The following SPON2 variants were observed in gnomAD, a reference collection of about 807,000 sequenced individuals.
The protein encoded by SPON2 is spondin 2.
SPON2 carries 32 observed loss-of-function variants against 29.9 expected under a neutral mutation model. The ratio of observed to expected loss-of-function variants is 1.07; its 90% CI spans 0.81 to 1.44. The LOEUF (loss-of-function observed/expected upper bound fraction) is 1.44. SPON2 is among the 40% of genes most tolerant of loss of function. The pLI is 0.00. For missense variants in SPON2, 541 were observed against 455.5 expected, an observed-to-expected ratio of 1.19 and a Z score of -1.71; for synonymous variants, 248 against 209.1, an observed-to-expected ratio of 1.19 and a Z score of -1.61.
intron 5 of SPON2, 153 bp downstream of exon 5, chr4:1,170,249 C>A: frequency 5.4e-6 from 4 of 745,184 alleles, no homozygotes; most frequent in Non-Finnish European, 9.1e-6. Context: ...GTGTGTGAAT[C>A]AACAGAATCC....
chr4:1,179,976 CTG>C (rs1038443346), intron 1 of SPON2, among the ~76,000 whole-genome samples: 1 of 149,590 alleles, frequency 6.7e-6, no homozygotes, highest in Admixed American at 6.7e-5. Context: ...AATAGACAAA[CTG>C]AAAAAAAAAA....
rs2242279 is a variant in SPON2, at chr4:1,171,799, C to T, written c.220+53G>A. The T allele has an allele frequency of 1.1e-5, 14 of 1,302,654 alleles. 1 individual carries two copies. Among genetic ancestry groups the T allele is most frequent in the African/African-American group, 8.6e-5 (6 of 69,772 alleles). 80.7% of individuals were successfully genotyped at this position (1,302,654 alleles called of 1,614,324 possible). A position where few individuals can be genotyped will look rare whatever the true frequency, so the allele number is the denominator to read the frequency against. On this transcript the variant is annotated intron_variant, in intron 2 of 5. Coordinates refer to ENST00000290902, the MANE Select transcript of SPON2 (RefSeq NM_012445.4). ...CGCCGTGCAGCTGTGCGGGGGGCTC[C>T]GGCGCCGCAGCCCTCCTGGTGGAGC...
chr4:1,167,959 T>G, intron 5 of SPON2: 1 of 334,158 alleles, frequency 3.0e-6, no homozygotes, highest in South Asian at 8.4e-5. Context: ...GGGAACCCCG[T>G]GGGAACCCCG....
chr4:1,175,686 G>T (rs1014389347), upstream of SPON2, among the ~76,000 whole-genome samples: 4 of 151,878 alleles, frequency 2.6e-5, no homozygotes, highest in Non-Finnish European at 4.4e-5. Context: ...TAGGATGTGG[G>T]TGGTGGTAGG....
chr4:1,196,322 G>C (rs1303991108), upstream of SPON2, among the ~76,000 whole-genome samples: 1 of 152,220 alleles, frequency 6.6e-6, no homozygotes, highest in African/African-American at 2.4e-5. Flanking sequence ...CTGAGCCTCA[G>C]CCTCCTCTGT....
upstream of SPON2, chr4:1,199,001 A>G (rs995794974): frequency 1.2e-4 from 18 of 152,290 alleles, no homozygotes; most frequent in African/African-American, 3.4e-4. The surrounding 1 kb of genome is among the most constrained non-coding windows in gnomAD (Gnocchi z 4.5). Context: ...GGCAAACTTA[A>G]TAGAAAAACC....
intron 1 of SPON2, among the ~76,000 whole-genome samples, chr4:1,192,874 C>G (rs1223851389): frequency 6.6e-6 from 1 of 152,184 alleles, no homozygotes; most frequent in Non-Finnish European, 1.5e-5. Context: ...CAGGGGCCCT[C>G]AGAAGCAAGG....
intron 1 of SPON2, among the ~76,000 whole-genome samples, chr4:1,181,249 G>GA (rs994651818): frequency 1.2e-4 from 18 of 149,714 alleles, no homozygotes; most frequent in African/African-American, 3.9e-4. Context: ...AAACACATTG[G>GA]AAAAAAAAAT....
chr4:1,208,291 C>T (rs369429747), upstream of SPON2: 556 of 152,480 alleles, frequency 3.6e-3, 3 homozygotes, highest in African/African-American at 0.012. Flanking sequence ...GGATGGGGTG[C>T]AGGGCCAGCC....
chr4:1,186,653 C>T (rs1727813152), intron 1 of SPON2, among the ~76,000 whole-genome samples: 1 of 152,036 alleles, frequency 6.6e-6, no homozygotes, highest in African/African-American at 2.4e-5. Flanking sequence ...CACTAATATC[C>T]AGAATATATA....
chr4:1,204,770 GT>G (rs1728299852), intron 1 of SPON2, among the ~76,000 whole-genome samples: 1 of 152,192 alleles, frequency 6.6e-6, no homozygotes, highest in Non-Finnish European at 1.5e-5. Context: ...GACCGGGCTT[GT>G]TGCTGGTCTG....
intron 5 of SPON2, 138 bp from the exon 6 acceptor site, chr4:1,167,794 C>T (rs1727295509): frequency 3.3e-6 from 3 of 913,116 alleles, no homozygotes; most frequent in Non-Finnish European, 4.8e-6. Context: ...TTTCTCCGCA[C>T]AGTCGCAGAG....
At chr4:1,170,869 G>T in intron 4 of SPON2, 130 bp downstream of exon 4, 1 of 1,300,264 alleles carries the variant, frequency 7.7e-7, no homozygotes, top group Non-Finnish European at 1.1e-6. Context: ...GGCGCTAGAA[G>T]CAGAGCCTCT....
rs550962124 is a variant in SPON2, at chr4:1,190,763, G to C, written c.-239+4227C>G. The stretch of plus-strand genomic sequence containing the variant: ...GGAGCTGAGAAATGAGTTCTGCAAG[G>C]CTGAAAATACAGACCAATATTATAA... On this transcript the variant is annotated intron_variant, in intron 1 of 3. Coordinates refer to the SPON2 transcript ENST00000502483. Among the ~76,000 whole-genome samples the C allele has an allele frequency of 2.6e-5, 4 of 152,280 alleles. No homozygotes were observed. The East Asian group carries it at 7.7e-4, about 29-fold the overall frequency.
At chr4:1,173,294 G>A (rs1030055264), upstream of SPON2, 5 of 152,678 alleles carry the variant, frequency 3.3e-5, no homozygotes, top group African/African-American at 9.7e-5. Flanking sequence ...TCTGCACTGT[G>A]GCCAGAGGGC....
chr4:1,178,858 G>A (rs1159333627), intron 2 of SPON2, among the ~76,000 whole-genome samples: 1 of 152,128 alleles, frequency 6.6e-6, no homozygotes, highest in East Asian at 1.9e-4. Context: ...GCAGGACGGG[G>A]CTGCGGAGTG....
At chr4:1,201,634 G>A (rs1728208235) in intron 1 of SPON2, among the ~76,000 whole-genome samples, 1 of 151,688 alleles carries the variant, frequency 6.6e-6, no homozygotes, top group African/African-American at 2.4e-5. Flanking sequence ...CCAGGCTATA[G>A]TGCAGTGGCG....
intron 1 of SPON2, among the ~76,000 whole-genome samples, chr4:1,188,171 A>G (rs1727840022): frequency 7.0e-6 from 1 of 143,572 alleles, no homozygotes; most frequent in African/African-American, 2.6e-5. Flanking sequence ...AGATCACACC[A>G]CTGCCTGGGC....
upstream of SPON2, among the ~76,000 whole-genome samples, chr4:1,174,591 T>A (rs1277133204): frequency 6.6e-6 from 1 of 152,118 alleles, no homozygotes; most frequent in Non-Finnish European, 1.5e-5. Context: ...TGGATACTTA[T>A]CATTTTCTAA....
Sources: gnomAD v4.1 joint callset for allele counts (sites outside exome capture counted in the v4.1 genomes callset) on GRCh38, gnomAD v4.1.1 for gene constraint, Gnocchi (gnomAD v3.1) non-coding constraint, MANE v1.5 for transcripts, NCBI Gene and HGNC (gene_info 2026-07-23, HGNC 2026-07-21) for gene names.